WFDC11: variants seen among roughly 807,000 people sequenced by gnomAD.
The protein encoded by WFDC11 is protein WFDC11.
WFDC11 carries 9 observed loss-of-function variants against 9.9 expected under a neutral mutation model. That is an observed-to-expected ratio of 0.91 (90% CI 0.55 to 1.58). The LOEUF (loss-of-function observed/expected upper bound fraction) is 1.58. Ranked by LOEUF, WFDC11 falls within the 40% of genes most tolerant of loss-of-function variation. The pLI, the probability that WFDC11 is intolerant of heterozygous loss-of-function variation, is 0.00. For missense variants in WFDC11, 106 were observed against 101.7 expected (o/e 1.04, Z -0.18); for synonymous variants, 32 against 33.3 (o/e 0.96, Z 0.13).
intron 2 of WFDC11, among the ~76,000 whole-genome samples, chr20:45,654,202 G>C (rs1982871211): frequency 6.6e-6 from 1 of 152,124 alleles, no homozygotes; most frequent in African/African-American, 2.4e-5. Flanking sequence ...CTCAGCAAAT[G>C]TAAAAGAACA....
intron 2 of WFDC11, among the ~76,000 whole-genome samples, chr20:45,666,784 G>A: frequency 6.6e-6 from 1 of 152,038 alleles, no homozygotes; most frequent in East Asian, 1.9e-4. Flanking sequence ...GTCTTCAATT[G>A]GGGTTTATCT....
intron 2 of WFDC11, 43 bp from the exon 3 acceptor site, chr20:45,650,694 C>T (rs1982788279): frequency 1.2e-5 from 13 of 1,056,272 alleles, no homozygotes; most frequent in South Asian, 2.7e-5. Context: ...AGGTGTGAAG[C>T]AAGAGAAAGT....
chr20:45,653,849 G>C (rs2077962440), intron 2 of WFDC11, among the ~76,000 whole-genome samples: 2 of 152,122 alleles, frequency 1.3e-5, no homozygotes, highest in South Asian at 4.1e-4. Flanking sequence ...ATTACATAAT[G>C]GTAAAGGGAT....
At chr20:45,651,304 T>A (rs957014044) in intron 2 of WFDC11, among the ~76,000 whole-genome samples, 1 of 152,236 alleles carries the variant, frequency 6.6e-6, no homozygotes, top group Admixed American at 6.5e-5. Flanking sequence ...TTTTCAACTT[T>A]ATGATGGTGC....
At chr20:45,669,343 T>A (rs897588441) in intron 1 of WFDC11, among the ~76,000 whole-genome samples, 8 of 152,182 alleles carry the variant, frequency 5.3e-5, no homozygotes, top group African/African-American at 1.9e-4. Context: ...CAGATTCAGT[T>A]CCAGGCCACC....
At chr20:45,662,539 G>A (rs546497956) in intron 2 of WFDC11, among the ~76,000 whole-genome samples, 1 of 152,184 alleles carries the variant, frequency 6.6e-6, no homozygotes, top group Non-Finnish European at 1.5e-5. Context: ...CATTCAGGAT[G>A]ATATTGGCTG....
At chr20:45,650,361 A>C (rs1982778970) in intron 3 of WFDC11, 140 bp downstream of exon 3, 1 of 647,162 alleles carries the variant, frequency 1.5e-6, no homozygotes, top group Non-Finnish European at 2.7e-6. Context: ...ATCTCTGTGC[A>C]TACAAAATTG....
intron 2 of WFDC11, among the ~76,000 whole-genome samples, 200 bp downstream of exon 2, chr20:45,666,888 G>A (rs1297753471): frequency 6.6e-6 from 1 of 152,120 alleles, no homozygotes; most frequent in South Asian, 2.1e-4. Flanking sequence ...ATATATGGAG[G>A]CACACAATGT....
Position 45,649,256 on chromosome 20 carries a change from C to A in WFDC11, c.243+1G>T. 6.2e-7 allele frequency: 1 copy of A among 1,613,922 alleles called. No individual in the cohort carries two copies. Among genetic ancestry groups the A allele is most frequent in the South Asian group, 1.1e-5 (1 of 90,974 alleles). ...ACCCAAGCAAACATCTCCCAACTCA[C>A]GACGTTTATCCAGCAGATGTTTCCA... On this transcript the variant is annotated splice_donor_variant, in intron 4 of 4. Transcript: ENST00000324384. LOFTEE classifies it high-confidence loss of function.
At chr20:45,650,718 C>G in intron 2 of WFDC11, 67 bp from the exon 3 acceptor site, 1 of 833,480 alleles carries the variant, frequency 1.2e-6, no homozygotes, top group Non-Finnish European at 1.9e-6. Context: ...TGTCGAATTT[C>G]TTCATTCTTT....
At chr20:45,654,931 C>T (rs1816456113) in intron 2 of WFDC11, among the ~76,000 whole-genome samples, 1 of 152,114 alleles carries the variant, frequency 6.6e-6, no homozygotes, top group African/African-American at 2.4e-5. Context: ...GAAATAGAGG[C>T]AATAATTAAT....
chr20:45,669,101 G>T (rs190537057), intron 1 of WFDC11, among the ~76,000 whole-genome samples: 3 of 152,104 alleles, frequency 2.0e-5, no homozygotes, highest in Non-Finnish European at 4.4e-5. Context: ...GGAGCCAGCA[G>T]GCTATTGACT....
chr20:45,661,131 C>G (rs375679551), intron 2 of WFDC11, among the ~76,000 whole-genome samples: 1 of 152,030 alleles, frequency 6.6e-6, no homozygotes, highest in South Asian at 2.1e-4. Context: ...AGATGGTATC[C>G]CATTGTGGTT....
At chr20:45,656,628 C>T (rs535508733) in intron 2 of WFDC11, among the ~76,000 whole-genome samples, 26,971 of 149,126 alleles carry the variant, frequency 0.18, 2,672 homozygotes, top group East Asian at 0.3. Flanking sequence ...GCAAAGGAAA[C>T]TACCATCAGA....
intron 2 of WFDC11, among the ~76,000 whole-genome samples, chr20:45,660,323 T>C (rs1434836551): frequency 6.6e-6 from 1 of 152,178 alleles, no homozygotes; most frequent in Non-Finnish European, 1.5e-5. Flanking sequence ...TTTGCATGGT[T>C]TTGTAGCTGT....
Position 45,663,489 on chromosome 20 carries a change from T to C in WFDC11, c.-52+3599A>G, listed in dbSNP as rs149257455. Among the ~76,000 whole-genome samples the C allele has an allele frequency of 5.8e-3, 883 of 152,318 alleles. 3 individuals are homozygous for C. Among genetic ancestry groups the C allele is most frequent in the African/African-American group, 0.021 (854 of 41,566 alleles). On this transcript the variant is annotated intron_variant, in intron 2 of 4. Transcript: ENST00000324384. ...GCTAGCTTTTGAATTTGTTTGCTCT[T>C]GCTTCTCTAGTTACTTTAATTGTGA...
intron 3 of WFDC11, among the ~76,000 whole-genome samples, chr20:45,650,238 G>GTATATA (rs373093139): frequency 4.7e-5 from 7 of 150,002 alleles, no homozygotes; most frequent in Middle Eastern, 3.5e-3. Context: ...ACATGTGTTT[G>GTATATA]TATATATATA....
At chr20:45,653,678 G>A (rs1163625413) in intron 2 of WFDC11, among the ~76,000 whole-genome samples, 1 of 152,112 alleles carries the variant, frequency 6.6e-6, no homozygotes, top group Non-Finnish European at 1.5e-5. Flanking sequence ...GTTGTATTCA[G>A]GAAACCCATC....
At chr20:45,655,398 ACT>A (rs1394692405) in intron 2 of WFDC11, among the ~76,000 whole-genome samples, 1 of 152,130 alleles carries the variant, frequency 6.6e-6, no homozygotes, top group Admixed American at 6.5e-5. Flanking sequence ...CATGCTAGAA[ACT>A]CTCAATAAAT....
Sources: gnomAD v4.1 joint callset for allele counts (sites outside exome capture counted in the v4.1 genomes callset) on GRCh38, gnomAD v4.1.1 for gene constraint, MANE v1.5 for transcripts, NCBI Gene and HGNC (gene_info 2026-07-23, HGNC 2026-07-21) for gene names.